The following METTL4 variants were observed in gnomAD, a reference collection of about 807,000 sequenced individuals.
The protein encoded by METTL4 is N(6)-adenine-specific methyltransferase METTL4.
A neutral mutation model predicts 54.0 loss-of-function variants in METTL4; 40 were observed. The observed-to-expected ratio is 0.74, with a 90% CI of 0.58 to 0.96. The LOEUF (loss-of-function observed/expected upper bound fraction) is 0.96. Ranked by LOEUF, METTL4 falls within the 50% of genes least tolerant of loss-of-function variation. METTL4 has a pLI of 0.00. For synonymous variants in METTL4, 169 were observed against 183.8 expected (o/e 0.92, Z 0.65); for missense variants, 525 against 549.0 (o/e 0.96, Z 0.44).
intron 6 of METTL4, among the ~76,000 whole-genome samples, chr18:2,546,137 TGTAA>T (rs1478251226): frequency 6.6e-6 from 1 of 152,038 alleles, no homozygotes; most frequent in Admixed American, 6.6e-5. Context: ...AAGATACAAC[TGTAA>T]GTCTTTGTCA....
At chr18:2,569,974 T>C (rs2072478507) in intron 1 of METTL4, among the ~76,000 whole-genome samples, 3 of 152,218 alleles carry the variant, frequency 2.0e-5, no homozygotes, top group Non-Finnish European at 2.9e-5. Flanking sequence ...GGTTTTGATA[T>C]GGTGAAAAGA....
At chr18:2,548,553 T>C (rs1331722518) in intron 5 of METTL4, among the ~76,000 whole-genome samples, 2 of 152,202 alleles carry the variant, frequency 1.3e-5, no homozygotes, top group Non-Finnish European at 2.9e-5. Flanking sequence ...ATCCATATAA[T>C]GTATATACTT....
intron 8 of METTL4, chr18:2,540,519 T>C: frequency 1.0e-6 from 1 of 985,408 alleles, no homozygotes; most frequent in Non-Finnish European, 1.2e-6. Context: ...AAAGTACTGG[T>C]CCTGTTTAGC....
chr18:2,566,049 ATAAATAAATAAAT>A lies in METTL4; in HGVS notation c.396+759_396+771del, dbSNP rs764744527. Among the ~76,000 whole-genome samples, 497 of 120,418 alleles carry A rather than the reference ATAAATAAATAAAT, an allele frequency of 4.1e-3. 29 individuals carry two copies. Among genetic ancestry groups the A allele is most frequent in the African/African-American group, 0.012 (438 of 35,286 alleles). The allele number at this position is 120,418 out of a possible 152,430, so 79.0% of individuals were successfully genotyped here. ...GTGACAGAGCAAGACTCTGTCTCAA[ATAAATAAATAAAT>A]AAATAAATAAATAAATAAATAAATA... On this transcript the variant is annotated intron_variant, in intron 2 of 8. Coordinates refer to ENST00000574538, the MANE Select transcript of METTL4 (RefSeq NM_022840.5).
Position 2,538,086 on chromosome 18 carries a change from A to T in METTL4, c.*914T>A, listed in dbSNP as rs2071936804. ...TTATACCTCAATTTTTAAAAAGTCA[A>T]TACATAATAAATCAATATGCATTTC... On this transcript the variant is annotated 3_prime_UTR_variant, in exon 9 of 9. Coordinates refer to ENST00000574538, the MANE Select transcript of METTL4 (RefSeq NM_022840.5). The T allele has an allele frequency of 2.5e-6, 1 of 396,156 alleles. No individual in the cohort carries two copies. Among genetic ancestry groups the T allele is most frequent in the South Asian group, 1.4e-4 (1 of 7,078 alleles). The allele number at this position is 396,156 out of a possible 1,614,324, so 24.5% of individuals were successfully genotyped here. A position where few individuals can be genotyped will look rare whatever the true frequency, so the allele number is the denominator to read the frequency against.
intron 2 of METTL4, 107 bp downstream of exon 2, chr18:2,566,714 C>T: frequency 1.1e-6 from 1 of 911,870 alleles, no homozygotes; most frequent in Non-Finnish European, 1.5e-6. Context: ...TTGGGTTTTA[C>T]TGATTCTTCT....
intron 5 of METTL4, among the ~76,000 whole-genome samples, chr18:2,551,502 C>G (rs1470249612): frequency 6.6e-6 from 1 of 151,874 alleles, no homozygotes; most frequent in Non-Finnish European, 1.5e-5. Context: ...AGGGGTTCAA[C>G]CTGGGCAACA....
At chr18:2,557,193 CA>C (rs1266875556) in intron 3 of METTL4, among the ~76,000 whole-genome samples, 4 of 151,854 alleles carry the variant, frequency 2.6e-5, no homozygotes, top group Non-Finnish European at 4.4e-5. Context: ...AAGGGCTCCA[CA>C]GAGAGAGAAC....
chr18:2,543,773 A>G (rs144583624), intron 8 of METTL4, among the ~76,000 whole-genome samples: 1 of 152,318 alleles, frequency 6.6e-6, no homozygotes, highest in African/African-American at 2.4e-5. Flanking sequence ...AAAAAACGTA[A>G]AACTGAGAGC....
intron 4 of METTL4, 108 bp from the exon 5 acceptor site, chr18:2,552,872 T>G (rs918017491): frequency 4.4e-6 from 3 of 678,722 alleles, no homozygotes; most frequent in Admixed American, 5.0e-5. Flanking sequence ...ACGAATATAA[T>G]GGAATGCACC....
At chr18:2,565,668 T>A (rs1451868018) in intron 2 of METTL4, among the ~76,000 whole-genome samples, 1 of 152,164 alleles carries the variant, frequency 6.6e-6, no homozygotes. Flanking sequence ...ATAAGATCCA[T>A]CAGGGAGGGA....
At chr18:2,551,119 G>C (rs1178342120) in intron 5 of METTL4, among the ~76,000 whole-genome samples, 1 of 138,578 alleles carries the variant, frequency 7.2e-6, no homozygotes, top group Non-Finnish European at 1.5e-5. Context: ...AGCCGAGATC[G>C]CGCCACTGCA....
intron 2 of METTL4, 37 bp from the exon 3 acceptor site, chr18:2,563,896 T>C (rs1005305822): frequency 1.3e-6 from 2 of 1,503,774 alleles, no homozygotes; most frequent in African/African-American, 2.8e-5. Context: ...AAAGTTATGT[T>C]GCCATTAATA....
chr18:2,547,159 C>A (rs1251955878), intron 6 of METTL4, among the ~76,000 whole-genome samples, 196 bp downstream of exon 6: 1 of 151,788 alleles, frequency 6.6e-6, no homozygotes, highest in African/African-American at 2.4e-5. Context: ...GTTTGAGGCC[C>A]CATTACAAAA....
In METTL4 at chr18:2,554,791, C is replaced by A; in HGVS notation, c.707G>T (p.Arg236Leu). Residue 236 changes from arginine (R) to leucine (L), a missense_variant, in exon 4 of 9, where the codon CGA becomes CTA. Transcript: ENST00000574538. ...TSVTEQDLFLRVVENNSSFTK... is the reference protein window; with the variant it reads ...TSVTEQDLFLLVVENNSSFTK... Reference sequence around the variant, plus strand: ...AAAGCTAGAGTTGTTTTCAACAACTCGCAAAAATAAATCCTGTTCTGTAAC... The same window carrying A: ...AAAGCTAGAGTTGTTTTCAACAACTAGCAAAAATAAATCCTGTTCTGTAAC... The A allele has an allele frequency of 1.2e-6, 2 of 1,613,778 alleles. No homozygotes were observed. The highest frequency in any genetic ancestry group is 1.7e-6 in the Non-Finnish European group (2 of 1,179,864).
rs1485490918 is a variant in METTL4 at position 2,538,419 on chromosome 18, C to T, written c.*581G>A. The T allele has an allele frequency of 1.3e-5, 2 of 153,030 alleles. No individual in the cohort carries two copies. The highest frequency in any genetic ancestry group is 4.8e-5 in the African/African-American group (2 of 41,488). 9.5% of individuals were successfully genotyped at this position (153,030 alleles called of 1,614,324 possible). On this transcript the variant is annotated 3_prime_UTR_variant, in exon 9 of 9. Transcript: ENST00000574538. The stretch of plus-strand genomic sequence containing the variant: ...CCAGAGGTTGCAAATTCAGGTCATA[C>T]AAGGGCCAAGTGGATGACATAAGTG...
At chr18:2,544,143 T>C in intron 8 of METTL4, 52 bp downstream of exon 8, 1 of 1,440,872 alleles carries the variant, frequency 6.9e-7, no homozygotes, top group East Asian at 2.3e-5. Context: ...AAATGTACAC[T>C]TTTTTTCAAA....
chr18:2,570,537 T>C (rs59850537), intron 1 of METTL4, among the ~76,000 whole-genome samples: 66,036 of 152,016 alleles, frequency 0.43, 15,236 homozygotes, highest in East Asian at 0.81. Context: ...TAACAATCTG[T>C]AGGTAAAGTT....
rs1328584489 is a variant in METTL4, at chr18:2,552,764, T to C, written c.830A>G (p.Tyr277Cys). ...DISCMQPLLN[Y>C]RKTFDVIVID... ...CACAATTACATCAAATGTTTTCCTA[T>C]CTGAAAACAAAGATACAATTTCAGA... Residue 277 changes from tyrosine to cysteine, a missense_variant and splice_region_variant, in exon 5 of 9, where the codon TAT (tyrosine) becomes TGT (cysteine). Coordinates refer to ENST00000574538, the MANE Select transcript of METTL4 (RefSeq NM_022840.5). 4 of 1,605,174 alleles carry C rather than the reference T, an allele frequency of 2.5e-6. No homozygotes were observed. The highest frequency in any genetic ancestry group is 2.2e-5 in the East Asian group (1 of 44,692).
Sources: allele counts gnomAD v4.1 joint callset (sites outside exome capture counted in the v4.1 genomes callset), GRCh38; gene constraint gnomAD v4.1.1; transcripts MANE v1.5; gene names NCBI Gene and HGNC (gene_info 2026-07-23, HGNC 2026-07-21).